IMMP2L: variants seen among roughly 807,000 people sequenced by gnomAD.
The protein encoded by IMMP2L is inner mitochondrial membrane peptidase subunit 2.
In IMMP2L, 18 loss-of-function variants were observed where a neutral mutation model predicts 19.3. The observed-to-expected ratio is 0.93, with a 90% CI of 0.64 to 1.38. The LOEUF is 1.38. IMMP2L is among the 40% of genes most tolerant of loss of function. The pLI, the probability that IMMP2L is intolerant of heterozygous loss-of-function variation, is 0.00. For synonymous variants in IMMP2L, 76 were observed against 73.0 expected (o/e 1.04, Z -0.21); for missense variants, 233 against 218.2 (o/e 1.07, Z -0.43).
At chr7:110,989,155 A>C (rs1195399408) in intron 3 of IMMP2L, among the ~76,000 whole-genome samples, 3 of 152,166 alleles carry the variant, frequency 2.0e-5, no homozygotes, top group African/African-American at 4.8e-5. Context: ...GAATCGCTTG[A>C]AACTGGGTGG....
chr7:110,690,718 AC>A (rs1299922672), intron 5 of IMMP2L, among the ~76,000 whole-genome samples: 1 of 152,164 alleles, frequency 6.6e-6, no homozygotes, highest in Non-Finnish European at 1.5e-5. Flanking sequence ...TGCTGTAAAA[AC>A]AAACCAATAA....
intron 3 of IMMP2L, among the ~76,000 whole-genome samples, chr7:111,067,878 T>C (rs908010089): frequency 2.0e-5 from 3 of 152,064 alleles, no homozygotes; most frequent in African/African-American, 7.2e-5. Flanking sequence ...ACCAGGAATA[T>C]GCATGGTCAT....
Position 111,401,312 on chromosome 7 carries a change from T to C in IMMP2L, c.239+85926A>G, listed in dbSNP as rs140891016. 1.9e-4 allele frequency among the ~76,000 whole-genome samples: 29 copies of C among 152,246 alleles called. No individual in the cohort carries two copies. In the South Asian group the frequency reaches 2.3e-3, roughly 12 times the overall value. On this transcript the variant is annotated intron_variant, in intron 3 of 5. Coordinates refer to ENST00000405709, the MANE Select transcript of IMMP2L (RefSeq NM_032549.4). ...GATTGCCAACCTATTCTAAGTGTTA[T>C]GGGGGAGCAAAGGCAATTAAAGTCA...
intron 2 of IMMP2L, among the ~76,000 whole-genome samples, chr7:111,495,726 TAA>T (rs1843533848): frequency 6.6e-6 from 1 of 152,206 alleles, no homozygotes; most frequent in Admixed American, 6.5e-5. Flanking sequence ...CTTTTTACTA[TAA>T]ATTTTTTATT....
chr7:111,062,448 C>G (rs887443547), intron 3 of IMMP2L, among the ~76,000 whole-genome samples: 2 of 152,148 alleles, frequency 1.3e-5, no homozygotes, highest in Admixed American at 1.3e-4. Flanking sequence ...GACACAGAGC[C>G]AACTGTATTG....
chr7:111,088,270 G>T (rs1404415773), intron 3 of IMMP2L, among the ~76,000 whole-genome samples: 1 of 152,120 alleles, frequency 6.6e-6, no homozygotes. Context: ...TAATTTAAGG[G>T]TTGTAATTAT....
intron 2 of IMMP2L, among the ~76,000 whole-genome samples, chr7:111,490,783 A>G (rs1843032587): frequency 6.6e-6 from 1 of 152,130 alleles, no homozygotes; most frequent in Non-Finnish European, 1.5e-5. Flanking sequence ...ATAATAGCCA[A>G]TACCTACGAA....
At position 111,323,370 on chromosome 7, in the gene IMMP2L, GCCAAAAGGCA is replaced by G. The variant is rs1824955210; in HGVS notation, c.239+163858_239+163867del. 1.3e-5 allele frequency among the ~76,000 whole-genome samples: 2 copies of G among 152,008 alleles called. 1 individual carries two copies. Among genetic ancestry groups the G allele is most frequent in the Admixed American group, 1.3e-4 (2 of 15,206 alleles). ...CTTCTCAAAAGAAGTCATTTATGCA[GCCAAAAGGCA>G]CATGAAAAAATGCTCATCATCACCA... is the stretch of plus-strand genomic sequence containing the variant. On this transcript the variant is annotated intron_variant, in intron 3 of 5. Coordinates refer to ENST00000405709, the MANE Select transcript of IMMP2L (RefSeq NM_032549.4).
At position 110,924,299 on chromosome 7, in the gene IMMP2L, C is replaced by G. The variant is rs576419945; in HGVS notation, c.306-37604G>C. Among the ~76,000 whole-genome samples the G allele has an allele frequency of 6.6e-6, 1 of 152,224 alleles. No homozygotes were observed. The highest frequency in any genetic ancestry group is 2.1e-4 in the South Asian group (1 of 4,820). On this transcript the variant is annotated intron_variant, in intron 4 of 5. Transcript: ENST00000405709. This position sits in a 1 kb window ranked among gnomAD's most constrained non-coding sequence, Gnocchi z 4.2. ...TCTGGTGAAAACGTTTGTAGTTCTGCAGGCAGATAAAAGGGTGTGGATAGG... is the reference window on the plus strand; with the variant it reads ...TCTGGTGAAAACGTTTGTAGTTCTGGAGGCAGATAAAAGGGTGTGGATAGG...
intron 3 of IMMP2L, among the ~76,000 whole-genome samples, chr7:111,290,452 A>G (rs1820958999): frequency 6.6e-6 from 1 of 152,124 alleles, no homozygotes; most frequent in Non-Finnish European, 1.5e-5. Context: ...ATGCCTTCAG[A>G]TGTAATTTTA....
At chr7:111,443,639 T>A (rs894269862) in intron 3 of IMMP2L, among the ~76,000 whole-genome samples, 3 of 152,170 alleles carry the variant, frequency 2.0e-5, no homozygotes, top group African/African-American at 7.2e-5. Context: ...CCAGAAGGAC[T>A]TCAGAATCCA....
intron 1 of IMMP2L, among the ~76,000 whole-genome samples, chr7:111,561,234 A>G (rs1357262399): frequency 6.6e-6 from 1 of 152,190 alleles, no homozygotes; most frequent in African/African-American, 2.4e-5. Context: ...AACTTTTCAA[A>G]AGTGAATGGA....
At chr7:110,669,525 G>A (rs1282410042) in intron 5 of IMMP2L, among the ~76,000 whole-genome samples, 1 of 152,172 alleles carries the variant, frequency 6.6e-6, no homozygotes, top group East Asian at 1.9e-4. Flanking sequence ...CAGCCAAGCT[G>A]ACACATAAAA....
chr7:111,346,086 G>A (rs1827511325), intron 3 of IMMP2L, among the ~76,000 whole-genome samples: 1 of 152,094 alleles, frequency 6.6e-6, no homozygotes, highest in Non-Finnish European at 1.5e-5. Flanking sequence ...TGTTGTCATT[G>A]CTATATTTCA....
intron 5 of IMMP2L, among the ~76,000 whole-genome samples, chr7:110,777,493 C>T (rs1799468762): frequency 6.6e-6 from 1 of 151,836 alleles, no homozygotes; most frequent in African/African-American, 2.4e-5. Flanking sequence ...AATAAGACCC[C>T]GTAAATCGAA....
chr7:110,928,363 A>T (rs1815091246), intron 4 of IMMP2L, among the ~76,000 whole-genome samples: 2 of 141,128 alleles, frequency 1.4e-5, no homozygotes, highest in South Asian at 4.5e-4. Context: ...ACACACACAC[A>T]CACACACACA....
intron 3 of IMMP2L, among the ~76,000 whole-genome samples, chr7:111,459,410 T>A (rs957384690): frequency 3.3e-5 from 5 of 152,214 alleles, no homozygotes; most frequent in Non-Finnish European, 7.4e-5. Flanking sequence ...GCACTAGTAA[T>A]ACAACAATGA....
At chr7:111,327,252 T>G (rs187875364) in intron 3 of IMMP2L, among the ~76,000 whole-genome samples, 1 of 151,850 alleles carries the variant, frequency 6.6e-6, no homozygotes, top group Non-Finnish European at 1.5e-5. Context: ...AAATGAGAAG[T>G]TGCTGTCCAA....
intron 3 of IMMP2L, among the ~76,000 whole-genome samples, chr7:111,197,644 G>A (rs181252182): frequency 1.4e-4 from 21 of 152,204 alleles, no homozygotes; most frequent in African/African-American, 5.1e-4. Context: ...CATCAGTTAA[G>A]GAAGTATCAG....
Sources: allele counts gnomAD v4.1 joint callset (sites outside exome capture counted in the v4.1 genomes callset), GRCh38; gene constraint gnomAD v4.1.1; non-coding constraint Gnocchi (gnomAD v3.1); transcripts MANE v1.5; gene names NCBI Gene and HGNC (gene_info 2026-07-23, HGNC 2026-07-21).